ANK3: variants seen among roughly 807,000 people sequenced by gnomAD.
ANK3 encodes ankyrin-3.
In ANK3, 57 loss-of-function variants were observed where a neutral mutation model predicts 370.9. The observed-to-expected ratio is 0.15, with a 90% CI of 0.12 to 0.19. ANK3 has a LOEUF of 0.19. ANK3 is among the 10% of genes least tolerant of loss of function. ANK3 has a pLI of 1.00. For synonymous variants in ANK3, 1,929 were observed against 1,946.3 expected, an observed-to-expected ratio of 0.99 and a Z score of 0.23; for missense variants, 4,439 against 5,302.1, an observed-to-expected ratio of 0.84 and a Z score of 5.06.
chr10:60,122,942 T>C (rs1313556379), intron 25 of ANK3, among the ~76,000 whole-genome samples: 1 of 152,222 alleles, frequency 6.6e-6, no homozygotes, highest in Non-Finnish European at 1.5e-5. Flanking sequence ...AATATTTACA[T>C]TCCTTTGTTA....
chr10:60,380,645 C>T (rs1004019766), intron 1 of ANK3, among the ~76,000 whole-genome samples: 1 of 152,100 alleles, frequency 6.6e-6, no homozygotes, highest in African/African-American at 2.4e-5. Context: ...CAACAAATAA[C>T]AGGACAGGTA....
intron 1 of ANK3, among the ~76,000 whole-genome samples, chr10:60,661,157 G>A (rs1251930682): frequency 1.3e-5 from 2 of 149,638 alleles, no homozygotes; most frequent in Non-Finnish European, 3.0e-5. Flanking sequence ...GAAGTGTTTT[G>A]GTTTTTTTTT....
intron 1 of ANK3, among the ~76,000 whole-genome samples, chr10:60,671,222 G>A (rs2079060912): frequency 6.6e-6 from 1 of 152,096 alleles, no homozygotes; most frequent in Non-Finnish European, 1.5e-5. Flanking sequence ...ATCTGACTCC[G>A]CTTACCTCCC....
chr10:60,733,413 A>G (rs2080056434), exon 1 of ANK3: 2 of 1,135,094 alleles, frequency 1.8e-6, no homozygotes, highest in South Asian at 4.5e-5. Flanking sequence ...TTCTTGGGAA[A>G]AAGTTCGGCC....
chr10:60,668,125 C>T (rs1241277595), intron 1 of ANK3, among the ~76,000 whole-genome samples: 2 of 151,474 alleles, frequency 1.3e-5, no homozygotes, highest in African/African-American at 4.9e-5. Flanking sequence ...CAAATAATCT[C>T]ACTCACTTTC....
At chr10:60,301,107 C>T (rs1302793906) in intron 1 of ANK3, among the ~76,000 whole-genome samples, 2 of 147,850 alleles carry the variant, frequency 1.4e-5, no homozygotes, top group African/African-American at 5.0e-5. Context: ...AACCAAACAA[C>T]TCATTGAATA....
chr10:60,114,972 T>C (rs957029522), intron 25 of ANK3, among the ~76,000 whole-genome samples: 3 of 152,150 alleles, frequency 2.0e-5, no homozygotes, highest in Non-Finnish European at 4.4e-5. Flanking sequence ...GGGTCACTGT[T>C]GTTGAACAGA....
intron 42 of ANK3, 118 bp downstream of exon 42, chr10:60,055,540 A>T (rs934683037): frequency 7.6e-7 from 1 of 1,317,620 alleles, no homozygotes; most frequent in Non-Finnish European, 1.0e-6. Context: ...AATTTCACAC[A>T]TTTATAATTT....
At chr10:60,093,410 G>A (rs1485750681) in intron 28 of ANK3, among the ~76,000 whole-genome samples, 2 of 152,144 alleles carry the variant, frequency 1.3e-5, no homozygotes, top group Non-Finnish European at 2.9e-5. Context: ...TCCTTCAAAT[G>A]GGGCAGATTT....
At chr10:60,086,622 C>A in intron 30 of ANK3, 55 bp downstream of exon 30, 2 of 1,432,184 alleles carry the variant, frequency 1.4e-6, no homozygotes, top group Admixed American at 3.9e-5. Context: ...ACAAATATAT[C>A]TTTGTACACA....
chr10:60,281,477 TAA>T (rs994532366), intron 1 of ANK3, among the ~76,000 whole-genome samples: 3 of 152,208 alleles, frequency 2.0e-5, no homozygotes, highest in African/African-American at 7.2e-5. Flanking sequence ...CCAACTTACA[TAA>T]AGATTGTACA....
intron 2 of ANK3, among the ~76,000 whole-genome samples, chr10:60,431,583 T>A (rs2064024803): frequency 6.6e-6 from 1 of 151,932 alleles, no homozygotes; most frequent in Non-Finnish European, 1.5e-5. Context: ...CTCTCATAAG[T>A]GGGAGTTGGA....
chr10:60,654,246 G>C (rs1806226049), intron 1 of ANK3, among the ~76,000 whole-genome samples: 1 of 152,104 alleles, frequency 6.6e-6, no homozygotes, highest in African/African-American at 2.4e-5. Context: ...ACATAGACAA[G>C]TATGTTGTCT....
chr10:60,655,374 T>C (rs1407089151), intron 1 of ANK3, among the ~76,000 whole-genome samples: 1 of 151,988 alleles, frequency 6.6e-6, no homozygotes, highest in Non-Finnish European at 1.5e-5. Context: ...GTAATATTGA[T>C]GATCCTAACC....
chr10:60,166,794 T>A (rs780948842), intron 22 of ANK3, 30 bp downstream of exon 22: 105 of 1,607,664 alleles, frequency 6.5e-5, no homozygotes, highest in Non-Finnish European at 8.8e-5. Flanking sequence ...TCACTTATAA[T>A]TATTGTGAAC....
intron 2 of ANK3, among the ~76,000 whole-genome samples, chr10:60,419,516 T>C (rs917092393): frequency 1.3e-5 from 2 of 152,158 alleles, no homozygotes; most frequent in Non-Finnish European, 2.9e-5. Context: ...CCACAGTTCT[T>C]AAGCCTCTGA....
chr10:60,313,343 G>A (rs948494192), intron 1 of ANK3, among the ~76,000 whole-genome samples: 1 of 152,168 alleles, frequency 6.6e-6, no homozygotes, highest in Non-Finnish European at 1.5e-5. Flanking sequence ...TGAGAACCAT[G>A]TGAATGTAAT....
chr10:60,733,287 GC>G lies in ANK3; in HGVS notation c.32del (p.Gly11AlafsTer30). 8.1e-7 allele frequency: 1 copy of G among 1,238,232 alleles called. No homozygotes were observed. Among genetic ancestry groups the G allele is most frequent in the Non-Finnish European group, 1.0e-6 (1 of 992,662 alleles). 76.7% of individuals were successfully genotyped at this position (1,238,232 alleles called of 1,614,324 possible). The stretch of plus-strand genomic sequence containing the variant: ...CCTGGGCAGGAGCGGAGTCCTCGGT[GC>G]CCGCGGGAGAGGAGGAGGCGGAGGA... On this transcript the variant is annotated frameshift_variant, in exon 1 of 44. Transcript: ENST00000373827. LOFTEE classifies it high-confidence loss of function.
intron 2 of ANK3, among the ~76,000 whole-genome samples, chr10:60,464,745 C>T (rs953191835): frequency 3.9e-5 from 6 of 152,142 alleles, no homozygotes; most frequent in African/African-American, 1.4e-4. Context: ...AAAATTATAA[C>T]ACAAATGTCA....
Sources: gnomAD v4.1 joint callset for allele counts (sites outside exome capture counted in the v4.1 genomes callset) on GRCh38, gnomAD v4.1.1 for gene constraint, MANE v1.5 for transcripts, NCBI Gene and HGNC (gene_info 2026-07-23, HGNC 2026-07-21) for gene names.